Variants in TECRL observed in about 807,000 individuals in gnomAD.
The protein encoded by TECRL is trans-2,3-enoyl-CoA reductase like, also known as trans-2,3-enoyl-CoA reductase-like.
A neutral mutation model predicts 52.8 loss-of-function variants in TECRL; 63 were observed. The ratio of observed to expected loss-of-function variants is 1.19; its 90% CI spans 0.97 to 1.47. The LOEUF is 1.47. Among genes scored for constraint, TECRL ranks in the 40% most tolerant of loss-of-function variants. TECRL has a pLI of 0.00. For synonymous variants in TECRL, 164 were observed against 141.9 expected (o/e 1.16, Z -1.10); for missense variants, 482 against 429.6 (o/e 1.12, Z -1.08).
downstream of TECRL, chr4:64,277,579 A>G (rs1722616652): frequency 6.6e-6 from 1 of 152,034 alleles, no homozygotes; most frequent in African/African-American, 2.4e-5. Context: ...TATGTTAGTA[A>G]TAAACAGCCC....
At chr4:64,293,501 T>A (rs1723507181) in intron 8 of TECRL, among the ~76,000 whole-genome samples, 1 of 152,156 alleles carries the variant, frequency 6.6e-6, no homozygotes, top group African/African-American at 2.4e-5. Flanking sequence ...AATTATAATA[T>A]ATGGGATTTC....
intron 4 of TECRL, among the ~76,000 whole-genome samples, chr4:64,322,112 T>A (rs1183543412): frequency 6.6e-6 from 1 of 152,150 alleles, no homozygotes; most frequent in African/African-American, 2.4e-5. Flanking sequence ...AGCTCATTCC[T>A]CAGGAGAGAA....
At chr4:64,280,415 T>C (rs1467467014) in intron 11 of TECRL, among the ~76,000 whole-genome samples, 2 of 152,168 alleles carry the variant, frequency 1.3e-5, no homozygotes, top group Admixed American at 6.5e-5. Flanking sequence ...TAAAAATGAA[T>C]CTACATATTT....
Position 64,328,240 on chromosome 4 carries a change from T to C in TECRL, c.331+272A>G, listed in dbSNP as rs541266884. On this transcript the variant is annotated intron_variant, in intron 3 of 11. Transcript: ENST00000381210. ...GCAGTAGAATGAGAAGGTGACCAGT[T>C]AAAGCTTCACAGACGACCAGTTAAA... Among the ~76,000 whole-genome samples the C allele has an allele frequency of 2.6e-5, 4 of 151,612 alleles. No individual in the cohort carries two copies. In the East Asian group the frequency reaches 7.7e-4, roughly 29 times the overall value.
At chr4:64,364,078 A>G (rs1201412312) in intron 2 of TECRL, among the ~76,000 whole-genome samples, 3 of 152,142 alleles carry the variant, frequency 2.0e-5, no homozygotes. Flanking sequence ...GCACAGCAAA[A>G]TAAAAATAGA....
At chr4:64,289,293 T>G (rs1723246591) in intron 9 of TECRL, among the ~76,000 whole-genome samples, 1 of 152,176 alleles carries the variant, frequency 6.6e-6, no homozygotes, top group African/African-American at 2.4e-5. Context: ...CAATGAAAGA[T>G]TACCATCATT....
At chr4:64,283,834 T>C (rs1722950013) in intron 9 of TECRL, among the ~76,000 whole-genome samples, 1 of 152,110 alleles carries the variant, frequency 6.6e-6, no homozygotes, top group South Asian at 2.1e-4. Context: ...TGGCCCACTC[T>C]TCCCTATGAA....
intron 8 of TECRL, chr4:64,299,007 C>G (rs911983586): frequency 1.3e-5 from 2 of 151,134 alleles, no homozygotes; most frequent in Non-Finnish European, 3.0e-5. Context: ...GATATATTTT[C>G]AACATATTGT....
intron 1 of TECRL, among the ~76,000 whole-genome samples, chr4:64,386,859 A>G (rs1203994158): frequency 6.6e-6 from 1 of 152,134 alleles, no homozygotes; most frequent in Non-Finnish European, 1.5e-5. Flanking sequence ...TTACACATGC[A>G]TAGCATCCCC....
chr4:64,320,305 T>C (rs1246494042), intron 4 of TECRL, among the ~76,000 whole-genome samples: 1 of 151,932 alleles, frequency 6.6e-6, no homozygotes, highest in Non-Finnish European at 1.5e-5. Context: ...TTCCCTATTA[T>C]ATTATTTATT....
intron 2 of TECRL, among the ~76,000 whole-genome samples, chr4:64,337,425 A>G (rs923816933): frequency 2.6e-5 from 4 of 152,302 alleles, no homozygotes; most frequent in Admixed American, 2.6e-4. Flanking sequence ...AGTTCTGGCC[A>G]GGGCAATTAG....
intron 2 of TECRL, among the ~76,000 whole-genome samples, chr4:64,348,741 T>C (rs1189624492): frequency 6.6e-6 from 1 of 152,146 alleles, no homozygotes; most frequent in Non-Finnish European, 1.5e-5. Flanking sequence ...GAGCAATCTT[T>C]GGGGTTTTTA....
rs1560516756 is a variant in TECRL, at chr4:64,345,929, A to AAAAAAAAAC, written c.287-17374_287-17373insGTTTTTTTT. Among the ~76,000 whole-genome samples, 5 of 147,264 alleles carry AAAAAAAAAC rather than the reference A, an allele frequency of 3.4e-5. No individual in the cohort carries two copies. The East Asian group carries it at 9.9e-4, about 29-fold the overall frequency. On this transcript the variant is annotated intron_variant, in intron 2 of 11. Transcript: ENST00000381210. ...CAGCAAAAAAAAAAAAAAAAAAAAAAAACATTTATCATATCCCTCAAAGTA... is the reference window on the plus strand; with the variant it reads ...CAGCAAAAAAAAAAAAAAAAAAAAAAAAAAAAAACAACATTTATCATATCCCTCAAAGTA...
intron 7 of TECRL, among the ~76,000 whole-genome samples, chr4:64,300,481 T>C (rs1723952129): frequency 6.6e-6 from 1 of 150,746 alleles, no homozygotes; most frequent in Non-Finnish European, 1.5e-5. Flanking sequence ...TATGATGTAT[T>C]ACTTGCCTGA....
chr4:64,295,766 C>A (rs1224641200), intron 8 of TECRL, among the ~76,000 whole-genome samples: 1 of 151,750 alleles, frequency 6.6e-6, no homozygotes, highest in Non-Finnish European at 1.5e-5. Context: ...TCTTATATTT[C>A]TGCAGTTTGG....
Position 64,390,086 on chromosome 4 carries a change from G to A in TECRL, c.235-14863C>T, listed in dbSNP as rs79593297. Among the ~76,000 whole-genome samples, 525 of 151,856 alleles carry A rather than the reference G, an allele frequency of 3.5e-3. 1 individual carries two copies. Among genetic ancestry groups the A allele is most frequent in the Admixed American group, 5.9e-3 (90 of 15,220 alleles). On this transcript the variant is annotated intron_variant, in intron 1 of 11. Transcript: ENST00000381210. ...GTTCTTACTGTTTTAGTTTTGTCCC[G>A]GTATTTGCCTGTTACAGGTCTCACT...
At chr4:64,393,457 G>C (rs893079351) in intron 1 of TECRL, among the ~76,000 whole-genome samples, 1 of 151,924 alleles carries the variant, frequency 6.6e-6, no homozygotes, top group African/African-American at 2.4e-5. Flanking sequence ...AGAGATGTTC[G>C]AATGGAAAAG....
intron 5 of TECRL, among the ~76,000 whole-genome samples, chr4:64,313,630 C>T (rs1224738327): frequency 6.7e-6 from 1 of 150,220 alleles, no homozygotes; most frequent in African/African-American, 2.4e-5. Context: ...TACAGGCACC[C>T]GCCACCACGC....
chr4:64,334,964 G>A (rs142421983), intron 2 of TECRL, among the ~76,000 whole-genome samples: 13 of 152,278 alleles, frequency 8.5e-5, no homozygotes, highest in East Asian at 7.7e-4. Context: ...GATACTATCC[G>A]CTGTGCAAGT....
Sources: gnomAD v4.1 joint callset for allele counts (sites outside exome capture counted in the v4.1 genomes callset) on GRCh38, gnomAD v4.1.1 for gene constraint, MANE v1.5 for transcripts, NCBI Gene and HGNC (gene_info 2026-07-23, HGNC 2026-07-21) for gene names.